The following RBFOX3 variants were observed in gnomAD, a reference collection of about 807,000 sequenced individuals.
The protein encoded by RBFOX3 is RNA binding fox-1 homolog 3, also known as RNA binding protein fox-1 homolog 3.
Under a neutral mutation model 48.7 loss-of-function variants are expected in RBFOX3, and 17 were observed. The observed-to-expected ratio is 0.35, with a 90% confidence interval of 0.24 to 0.52. RBFOX3 has a LOEUF of 0.52. Ranked by LOEUF, RBFOX3 falls within the 20% of genes least tolerant of loss-of-function variation. The probability of loss-of-function intolerance (pLI) is 0.94; values close to 1 mark genes in which losing one functional copy is unlikely to be tolerated. For synonymous variants in RBFOX3, 212 were observed against 209.5 expected, an observed-to-expected ratio of 1.01 and a Z score of -0.10; for missense variants, 382 against 497.5, an observed-to-expected ratio of 0.77 and a Z score of 2.21.
chr17:79,168,440 C>T (rs1429347117), intron 4 of RBFOX3, among the ~76,000 whole-genome samples: 2 of 152,256 alleles, frequency 1.3e-5, no homozygotes, highest in East Asian at 3.8e-4. Flanking sequence ...ATTTCTCTTC[C>T]TGATGTCATA....
At position 79,591,043 on chromosome 17, in the gene RBFOX3, C is replaced by T. The variant is rs1044657292; in HGVS notation, c.-320+19783G>A. ...AGGGACGAGAAGTTCCCGTGTCTGC[C>T]GGGGACCCTGGGAGCAGGGAGCTGT... On this transcript the variant is annotated intron_variant, in intron 1 of 14. Transcript: ENST00000693108. Among the ~76,000 whole-genome samples the T allele has an allele frequency of 7.9e-5, 12 of 152,314 alleles. 1 individual carries two copies. The Middle Eastern group carries it at 0.014, about 173-fold the overall frequency.
At chr17:79,403,604 G>C (rs542062553) in intron 2 of RBFOX3, among the ~76,000 whole-genome samples, 1 of 152,132 alleles carries the variant, frequency 6.6e-6, no homozygotes, top group Non-Finnish European at 1.5e-5. Context: ...GGAACGTCCC[G>C]GACAGCTTCG....
intron 1 of RBFOX3, among the ~76,000 whole-genome samples, chr17:79,585,676 GT>G (rs2093227159): frequency 6.6e-6 from 1 of 152,178 alleles, no homozygotes; most frequent in African/African-American, 2.4e-5. Context: ...CTGAGCCCTG[GT>G]CCAGCCCAGG....
intron 2 of RBFOX3, among the ~76,000 whole-genome samples, chr17:79,365,311 A>G (rs2057579887): frequency 6.6e-6 from 1 of 152,242 alleles, no homozygotes; most frequent in South Asian, 2.1e-4. Flanking sequence ...TGGGGAAAAA[A>G]TAGCATCCCC....
chr17:79,215,489 C>A (rs930730646), intron 4 of RBFOX3, among the ~76,000 whole-genome samples: 8 of 152,232 alleles, frequency 5.3e-5, no homozygotes, highest in Non-Finnish European at 1.0e-4. Context: ...TCCATCTGTT[C>A]CTTGAGTCCT....
intron 2 of RBFOX3, among the ~76,000 whole-genome samples, chr17:79,333,381 C>G (rs1671769828): frequency 1.3e-5 from 2 of 152,200 alleles, no homozygotes; most frequent in Non-Finnish European, 2.9e-5. Flanking sequence ...GTTCCAGAGA[C>G]ACAGAACTGT....
intron 3 of RBFOX3, among the ~76,000 whole-genome samples, chr17:79,280,679 G>A (rs912012852): frequency 6.6e-6 from 1 of 152,264 alleles, no homozygotes; most frequent in Non-Finnish European, 1.5e-5. Flanking sequence ...TCACAGTCAT[G>A]TAGACGGGCC....
intron 1 of RBFOX3, among the ~76,000 whole-genome samples, chr17:79,555,767 TG>T (rs2091693944): frequency 6.6e-6 from 1 of 152,238 alleles, no homozygotes; most frequent in African/African-American, 2.4e-5. Flanking sequence ...GTGATGGCGA[TG>T]GTAATGGTGA....
chr17:79,370,098 GTGGTGACCAGGTCT>G (rs1348274767), intron 2 of RBFOX3, among the ~76,000 whole-genome samples: 2 of 152,272 alleles, frequency 1.3e-5, no homozygotes, highest in East Asian at 3.9e-4. Flanking sequence ...TCCCTGCTCT[GTGGTGACCAGGTCT>G]TGGTGCCAAC....
intron 4 of RBFOX3, among the ~76,000 whole-genome samples, chr17:79,222,898 TCTGTAGC>T (rs1214743351): frequency 6.6e-6 from 1 of 152,208 alleles, no homozygotes; most frequent in Non-Finnish European, 1.5e-5. Context: ...AGCAGTTTCC[TCTGTAGC>T]CTGTGTCCCC....
intron 4 of RBFOX3, among the ~76,000 whole-genome samples, chr17:79,185,952 C>A (rs1355952610): frequency 6.6e-6 from 1 of 152,216 alleles, no homozygotes; most frequent in Non-Finnish European, 1.5e-5. Context: ...GCCTAATGTA[C>A]TGAGAGCTTT....
chr17:79,653,883 C>CA, the RBFOX3 span, among the ~76,000 whole-genome samples: 5,303 of 66,206 alleles, frequency 0.08, 352 homozygotes, highest in African/African-American at 0.2. Context: ...TCTCTACCAC[C>CA]AAAAAAAAAA....
intron 2 of RBFOX3, among the ~76,000 whole-genome samples, chr17:79,425,939 C>T (rs953455441): frequency 6.6e-6 from 1 of 152,024 alleles, no homozygotes; most frequent in African/African-American, 2.4e-5. Flanking sequence ...TGGTGCGAGG[C>T]GAGGGCTCTC....
chr17:79,461,822 T>C (rs1231880443), intron 2 of RBFOX3, among the ~76,000 whole-genome samples: 2 of 152,178 alleles, frequency 1.3e-5, no homozygotes, highest in East Asian at 1.9e-4. Context: ...GAGAAGGCCA[T>C]GTGACACAGA....
Position 79,333,002 on chromosome 17 carries a change from G to A in RBFOX3, c.-174-25178C>T, listed in dbSNP as rs968722761. Among the ~76,000 whole-genome samples, 22 of 148,962 alleles carry A rather than the reference G, an allele frequency of 1.5e-4. 1 individual carries two copies. Among genetic ancestry groups the A allele is most frequent in the Non-Finnish European group, 2.1e-4 (14 of 66,978 alleles). On this transcript the variant is annotated intron_variant, in intron 2 of 14. Coordinates refer to ENST00000693108, the MANE Select transcript of RBFOX3 (RefSeq NM_001350451.2). ...GTAGAGAGACAGAGAGAGAGAAACA[G>A]AGGAAGAGAGAGAGAGATGGGGTGG...
intron 4 of RBFOX3, among the ~76,000 whole-genome samples, chr17:79,154,807 G>A (rs1309989916): frequency 1.3e-5 from 2 of 152,118 alleles, no homozygotes; most frequent in Non-Finnish European, 2.9e-5. Flanking sequence ...GAGGAGTCTG[G>A]GCCTCCCCCA....
At chr17:79,625,302 A>G in the RBFOX3 span, among the ~76,000 whole-genome samples, 91,559 of 152,020 alleles carry the variant, frequency 0.6, 28,296 homozygotes, top group Middle Eastern at 0.68. Context: ...CCTCAGCACC[A>G]TTCCCCAGAG....
chr17:79,302,305 A>G (rs2145375956), intron 3 of RBFOX3, among the ~76,000 whole-genome samples: 1 of 152,320 alleles, frequency 6.6e-6, no homozygotes, highest in East Asian at 1.9e-4. Context: ...GAAGTTAAGT[A>G]CACGATCCAG....
chr17:79,489,686 C>G (rs964200501), intron 1 of RBFOX3, among the ~76,000 whole-genome samples: 1 of 152,208 alleles, frequency 6.6e-6, no homozygotes, highest in Non-Finnish European at 1.5e-5. Context: ...GTATGCAGCC[C>G]TCTGGAGCTT....
Sources: allele counts gnomAD v4.1 joint callset (sites outside exome capture counted in the v4.1 genomes callset), GRCh38; gene constraint gnomAD v4.1.1; transcripts MANE v1.5; gene names NCBI Gene and HGNC (gene_info 2026-07-23, HGNC 2026-07-21).